The following ROBO1 variants were observed in gnomAD, a reference collection of about 807,000 sequenced individuals.
ROBO1 encodes roundabout homolog 1.
In ROBO1, 149 loss-of-function variants were observed where a neutral mutation model predicts 195.9. The ratio of observed to expected loss-of-function variants is 0.76; its 90% confidence interval spans 0.67 to 0.87. ROBO1 has a LOEUF of 0.87. ROBO1 is among the 40% of genes least tolerant of loss of function. ROBO1 has a pLI of 0.00. For synonymous variants in ROBO1, 816 were observed against 733.2 expected (o/e 1.11, Z -1.82); for missense variants, 1,933 against 2,068.3 (o/e 0.93, Z 1.27).
chr3:78,973,759 T>G (rs1240468407), intron 3 of ROBO1, among the ~76,000 whole-genome samples: 1 of 151,746 alleles, frequency 6.6e-6, no homozygotes, highest in African/African-American at 2.4e-5. Context: ...ATTTAATTTA[T>G]TCAGATGAAA....
chr3:79,591,839 T>C (rs1299703341), intron 1 of ROBO1, among the ~76,000 whole-genome samples: 1 of 151,622 alleles, frequency 6.6e-6, no homozygotes, highest in East Asian at 2.0e-4. Flanking sequence ...CCTATCTTCT[T>C]GGTTTCTGCT....
chr3:79,431,841 G>A (rs76851814), intron 2 of ROBO1, among the ~76,000 whole-genome samples: 7,326 of 152,086 alleles, frequency 0.048, 478 homozygotes, highest in African/African-American at 0.14. Context: ...AATGAGTCCA[G>A]CAAAACTTTA....
At chr3:79,644,724 T>C (rs1390759865) in intron 1 of ROBO1, among the ~76,000 whole-genome samples, 2 of 152,166 alleles carry the variant, frequency 1.3e-5, no homozygotes, top group Non-Finnish European at 2.9e-5. Flanking sequence ...TAGGCTTAAC[T>C]GACATTTACA....
rs573643183 is a variant in ROBO1, at chr3:79,450,340, G to C, written c.88+139484C>G. On this transcript the variant is annotated intron_variant, in intron 2 of 30. Coordinates refer to ENST00000464233, the MANE Select transcript of ROBO1 (RefSeq NM_002941.4). ...ACAGACAGACAGGGTGCTGGGGAGA[G>C]AGGGAGGGATGAAGGGAGAAAGGAA... Among the ~76,000 whole-genome samples, 385 of 151,000 alleles carry C rather than the reference G, an allele frequency of 2.5e-3. 3 individuals carry two copies. Among genetic ancestry groups the C allele is most frequent in the Non-Finnish European group, 4.3e-3 (289 of 67,676 alleles).
rs140852749 is a variant in ROBO1, at chr3:79,113,533, C to T, written c.172+11923G>A. On this transcript the variant is annotated intron_variant, in intron 3 of 30. Coordinates refer to ENST00000464233, the MANE Select transcript of ROBO1 (RefSeq NM_002941.4). ...TTGTAATCCCAGCACTTTGGGAGGC[C>T]GACGTGGGTGGATCACCTGAGGTCA... Among the ~76,000 whole-genome samples, 1,259 of 151,990 alleles carry T rather than the reference C, an allele frequency of 8.3e-3. 16 individuals are homozygous for T. Among genetic ancestry groups the T allele is most frequent in the African/African-American group, 0.029 (1,191 of 41,452 alleles).
At chr3:79,109,546 C>A (rs2079846787) in intron 3 of ROBO1, among the ~76,000 whole-genome samples, 1 of 152,028 alleles carries the variant, frequency 6.6e-6, no homozygotes, top group Non-Finnish European at 1.5e-5. Flanking sequence ...ATAGCTAGCA[C>A]CTTGATGTTG....
intron 4 of ROBO1, among the ~76,000 whole-genome samples, chr3:78,795,458 A>G (rs1047229400): frequency 2.0e-5 from 3 of 152,182 alleles, no homozygotes; most frequent in Non-Finnish European, 4.4e-5. Flanking sequence ...ATACAGGAAC[A>G]ACACTAAGAA....
intron 2 of ROBO1, among the ~76,000 whole-genome samples, chr3:79,273,967 A>G (rs2030798892): frequency 6.6e-6 from 1 of 151,998 alleles, no homozygotes; most frequent in South Asian, 2.1e-4. Context: ...AGGATACAAC[A>G]ATTTTAAATA....
At chr3:79,042,268 C>T (rs190266594) in intron 3 of ROBO1, among the ~76,000 whole-genome samples, 72 of 151,782 alleles carry the variant, frequency 4.7e-4, no homozygotes, top group Non-Finnish European at 7.4e-4. Flanking sequence ...TACATACATA[C>T]ACACACACAT....
chr3:79,563,222 G>A (rs940819559), intron 2 of ROBO1, among the ~76,000 whole-genome samples: 2 of 151,934 alleles, frequency 1.3e-5, no homozygotes, highest in Non-Finnish European at 2.9e-5. Context: ...AAAACTACTT[G>A]AAAAGTATGA....
At chr3:78,780,228 A>G (rs2108476786) in intron 4 of ROBO1, among the ~76,000 whole-genome samples, 1 of 152,296 alleles carries the variant, frequency 6.6e-6, no homozygotes, top group Non-Finnish European at 1.5e-5. Flanking sequence ...CATGTTCTGG[A>G]CATGCATCCC....
chr3:78,903,916 G>T lies in ROBO1; in HGVS notation c.499+34685C>A, dbSNP rs141470535. On this transcript the variant is annotated intron_variant, in intron 4 of 30. Coordinates refer to ENST00000464233, the MANE Select transcript of ROBO1 (RefSeq NM_002941.4). Reference sequence around the variant, plus strand: ...GCCATTTAATAATTAAGTGATTGGGGTAAGTTAACTAATCATTTGAGGGTA... The same window carrying T: ...GCCATTTAATAATTAAGTGATTGGGTTAAGTTAACTAATCATTTGAGGGTA... 8.3e-3 allele frequency among the ~76,000 whole-genome samples: 1,265 copies of T among 151,996 alleles called. 10 individuals are homozygous for T. Among genetic ancestry groups the T allele is most frequent in the Admixed American group, 0.013 (203 of 15,260 alleles).
intron 4 of ROBO1, among the ~76,000 whole-genome samples, chr3:78,905,241 G>A (rs2037830842): frequency 6.6e-6 from 1 of 152,080 alleles, no homozygotes; most frequent in African/African-American, 2.4e-5. Flanking sequence ...CTTTCACAGT[G>A]TACTTCTAAA....
chr3:79,584,642 T>TA (rs1943767828), intron 2 of ROBO1, among the ~76,000 whole-genome samples: 2 of 137,690 alleles, frequency 1.5e-5, no homozygotes, highest in Non-Finnish European at 3.0e-5. Context: ...TGTGTGTATG[T>TA]TCATACACAC....
Position 79,274,983 on chromosome 3 carries a change from C to T in ROBO1, c.89-149444G>A, listed in dbSNP as rs149584485. On this transcript the variant is annotated intron_variant, in intron 2 of 30. Transcript: ENST00000464233. Reference sequence around the variant, plus strand: ...CTGATAACAAGTACTGAGATTGAAGCTATAATAAGCACTCTCTCAGCAGAG... The same window carrying T: ...CTGATAACAAGTACTGAGATTGAAGTTATAATAAGCACTCTCTCAGCAGAG... 7.5e-4 allele frequency among the ~76,000 whole-genome samples: 114 copies of T among 152,002 alleles called. No individual in the cohort carries two copies. The East Asian group carries it at 0.017, about 23-fold the overall frequency.
At chr3:79,546,370 G>A (rs542185643) in intron 2 of ROBO1, among the ~76,000 whole-genome samples, 22 of 152,244 alleles carry the variant, frequency 1.4e-4, no homozygotes, top group Non-Finnish European at 2.4e-4. Context: ...TGGAGTTGGT[G>A]CCTATAACAT....
chr3:78,952,500 T>A, intron 3 of ROBO1, among the ~76,000 whole-genome samples: 1 of 151,970 alleles, frequency 6.6e-6, no homozygotes, highest in East Asian at 1.9e-4. Flanking sequence ...ACATAAATCC[T>A]ATCATGGGCA....
intron 1 of ROBO1, among the ~76,000 whole-genome samples, chr3:79,627,497 A>G (rs1945213480): frequency 6.6e-6 from 1 of 152,194 alleles, no homozygotes; most frequent in Non-Finnish European, 1.5e-5. Context: ...TACAAAAATT[A>G]ACTGAAGATG....
intron 2 of ROBO1, among the ~76,000 whole-genome samples, chr3:79,300,343 A>T (rs894776219): frequency 1.3e-5 from 2 of 152,276 alleles, no homozygotes; most frequent in Admixed American, 6.5e-5. Flanking sequence ...GCCCCAGGCA[A>T]TGAGGGGCTT....
Sources: gnomAD v4.1 joint callset for allele counts (sites outside exome capture counted in the v4.1 genomes callset) on GRCh38, gnomAD v4.1.1 for gene constraint, MANE v1.5 for transcripts, NCBI Gene and HGNC (gene_info 2026-07-23, HGNC 2026-07-21) for gene names.